SGIP1: variants seen among roughly 807,000 people sequenced by gnomAD.
SGIP1 encodes the protein SH3-containing GRB2-like protein 3-interacting protein 1.
SGIP1 carries 38 observed loss-of-function variants against 107.5 expected under a neutral mutation model. The observed-to-expected ratio is 0.35, with a 90% confidence interval of 0.27 to 0.46. The LOEUF (loss-of-function observed/expected upper bound fraction) is 0.46. Ranked by LOEUF, SGIP1 falls within the 20% of genes least tolerant of loss-of-function variation. SGIP1 has a pLI of 1.00. For missense variants in SGIP1, 929 were observed against 1,019.5 expected, an observed-to-expected ratio of 0.91 and a Z score of 1.21; for synonymous variants, 365 against 366.1, an observed-to-expected ratio of 1.00 and a Z score of 0.03.
chr1:66,666,458 CT>C (rs558907920), intron 8 of SGIP1: 35 of 160,308 alleles, frequency 2.2e-4, no homozygotes, highest in African/African-American at 7.2e-4. Context: ...AATGAGGGCT[CT>C]TTTTTGGTTC....
intron 7 of SGIP1, chr1:66,659,998 G>GAAAGAAAGAAAGAAAT (rs1557497159): frequency 2.8e-5 from 2 of 71,916 alleles, no homozygotes; most frequent in African/African-American, 1.1e-4. Context: ...AAGAAAGAAA[G>GAAAGAAAGAAAGAAAT]ACAGACAGAC....
At chr1:66,672,100 C>A in intron 11 of SGIP1, 105 bp downstream of exon 11, 1 of 1,038,932 alleles carries the variant, frequency 9.6e-7, no homozygotes, top group Non-Finnish European at 1.5e-6. Flanking sequence ...TTAACAAAGG[C>A]TCTACCAAAA....
At position 66,681,865 on chromosome 1, in the gene SGIP1, A is replaced by G. The variant is rs2086786902; in HGVS notation, c.815-4A>G. 1 of 1,607,206 alleles carries G rather than the reference A, an allele frequency of 6.2e-7. No individual in the cohort carries two copies. The highest frequency in any genetic ancestry group is 1.3e-5 in the African/African-American group (1 of 74,664). On this transcript the variant is annotated splice_region_variant and splice_polypyrimidine_tract_variant and intron_variant, in intron 14 of 24. Transcript: ENST00000371037. ...AAGTTTAAAATCAACTACTTTAACC[A>G]CAGGAAATGACCAGTCAGCCACAGA...
At position 66,750,428 on chromosome 1, in the gene SGIP1, C is replaced by G. The variant is rs959690728; in HGVS notation, c.*7333C>G. ...GCTGTGTTTCTATAGGTAATGAAAT[C>G]CTGTCAATTAAGGAAAATGCTGTGT... On this transcript the variant is annotated 3_prime_UTR_variant, in exon 25 of 25. Coordinates refer to ENST00000371037, the MANE Select transcript of SGIP1 (RefSeq NM_032291.4). 2.2e-4 allele frequency among the ~76,000 whole-genome samples: 34 copies of G among 151,986 alleles called. No individual in the cohort carries two copies. The highest frequency in any genetic ancestry group is 7.4e-5 in the Non-Finnish European group (5 of 67,986).
intron 2 of SGIP1, among the ~76,000 whole-genome samples, chr1:66,631,324 G>A (rs78916706): frequency 3.0e-4 from 45 of 152,174 alleles, no homozygotes; most frequent in Non-Finnish European, 5.4e-4. Context: ...AAGCACTTTT[G>A]TTGGCCAAGA....
At chr1:66,663,598 A>G (rs775918572) in intron 8 of SGIP1, among the ~76,000 whole-genome samples, 1 of 152,132 alleles carries the variant, frequency 6.6e-6, no homozygotes, top group African/African-American at 2.4e-5. Flanking sequence ...GCTCTTAATT[A>G]TAGACCTTGA....
At chr1:66,717,065 G>C (rs574579806) in intron 18 of SGIP1, among the ~76,000 whole-genome samples, 1 of 152,044 alleles carries the variant, frequency 6.6e-6, no homozygotes, top group African/African-American at 2.4e-5. Context: ...AACTTTCCCT[G>C]ACCTATACAA....
At chr1:66,542,861 A>G (rs1184160199) in intron 1 of SGIP1, among the ~76,000 whole-genome samples, 1 of 152,202 alleles carries the variant, frequency 6.6e-6, no homozygotes, top group Non-Finnish European at 1.5e-5. Context: ...CTAGTGGCAG[A>G]ACCAGCACTT....
intron 7 of SGIP1, among the ~76,000 whole-genome samples, chr1:66,655,572 T>C (rs761286159): frequency 1.3e-5 from 2 of 152,234 alleles, no homozygotes; most frequent in African/African-American, 2.4e-5. Context: ...CAAACCTAGA[T>C]GGTATAGCCT....
chr1:66,704,405 T>A (rs896280720), intron 18 of SGIP1: 3 of 152,158 alleles, frequency 2.0e-5, no homozygotes, highest in Non-Finnish European at 2.9e-5. Flanking sequence ...TTGAGACTAA[T>A]GGTCTGCCTG....
chr1:66,700,075 A>C (rs2091645670), intron 18 of SGIP1, among the ~76,000 whole-genome samples: 1 of 152,132 alleles, frequency 6.6e-6, no homozygotes, highest in South Asian at 2.1e-4. Flanking sequence ...TCACACAGTC[A>C]AAAGAGACAG....
chr1:66,688,329 G>A (rs2088978283), intron 15 of SGIP1, among the ~76,000 whole-genome samples: 1 of 152,234 alleles, frequency 6.6e-6, no homozygotes. Flanking sequence ...ACTGAAGTTA[G>A]GCAGATGCCT....
At chr1:66,716,262 T>C (rs188448647) in intron 18 of SGIP1, among the ~76,000 whole-genome samples, 2 of 152,284 alleles carry the variant, frequency 1.3e-5, no homozygotes, top group East Asian at 3.9e-4. Flanking sequence ...TAGCTACTGA[T>C]TCATGCTCAT....
intron 1 of SGIP1, among the ~76,000 whole-genome samples, chr1:66,567,491 G>A (rs1452063855): frequency 1.3e-5 from 2 of 152,122 alleles, no homozygotes; most frequent in Non-Finnish European, 2.9e-5. Flanking sequence ...TTGCTGTGCA[G>A]AAGATCTTTA....
intron 1 of SGIP1, among the ~76,000 whole-genome samples, chr1:66,568,811 T>G (rs1557915349): frequency 6.6e-6 from 1 of 151,938 alleles, no homozygotes; most frequent in Non-Finnish European, 1.5e-5. Context: ...TTGATAAAAT[T>G]CAACATCCCT....
chr1:66,654,867 A>G (rs551896442), intron 7 of SGIP1, among the ~76,000 whole-genome samples: 27 of 152,336 alleles, frequency 1.8e-4, no homozygotes, highest in Admixed American at 3.3e-4. Context: ...GCCTGTCCCA[A>G]TGTGGGCAAC....
chr1:66,545,628 T>TTG (rs769603266), intron 1 of SGIP1, among the ~76,000 whole-genome samples: 31,892 of 138,766 alleles, frequency 0.23, 3,527 homozygotes, highest in Non-Finnish European at 0.26. Context: ...ACTGAACAAA[T>TTG]TGTGTGTGTG....
At chr1:66,645,483 G>C (rs565674067) in intron 7 of SGIP1, among the ~76,000 whole-genome samples, 131 of 152,256 alleles carry the variant, frequency 8.6e-4, no homozygotes, top group Non-Finnish European at 1.4e-3. Context: ...GGGAAGCAGA[G>C]TGAAAACTAG....
intron 1 of SGIP1, among the ~76,000 whole-genome samples, chr1:66,572,148 T>A (rs1219875007): frequency 1.3e-5 from 2 of 152,046 alleles, no homozygotes; most frequent in African/African-American, 4.8e-5. Context: ...TCTGTGCATG[T>A]CCTCCTCATG....
Sources: allele counts gnomAD v4.1 joint callset (sites outside exome capture counted in the v4.1 genomes callset), GRCh38; gene constraint gnomAD v4.1.1; transcripts MANE v1.5; gene names NCBI Gene and HGNC (gene_info 2026-07-23, HGNC 2026-07-21).